Variants in RBX1 observed in about 807,000 individuals in gnomAD.
The protein encoded by RBX1 is ring-box 1, also known as E3 ubiquitin-protein ligase RBX1.
For synonymous variants in RBX1, 48 were observed against 47.9 expected (o/e 1.00, Z -0.01); for missense variants, 46 against 141.4 (o/e 0.33, Z 3.42).
chr22:40,952,268 G>A (rs368594514), intron 1 of RBX1, among the ~76,000 whole-genome samples: 5 of 152,174 alleles, frequency 3.3e-5, no homozygotes, highest in Admixed American at 3.3e-4. Flanking sequence ...GTGTCTTTTT[G>A]CATGAAATGC....
chr22:40,965,558 A>G (rs1054562218), intron 3 of RBX1, among the ~76,000 whole-genome samples: 4 of 151,222 alleles, frequency 2.6e-5, no homozygotes, highest in South Asian at 2.1e-4. Context: ...GTCCTGCTTC[A>G]GCCTTCCGAG....
In RBX1 at chr22:40,972,651, G is replaced by A. The variant is rs1219881652; in HGVS notation, c.*163G>A. ...TGTATTCTGTGTCAAATAAAGTCCA[G>A]TTGGATTCTGGAACGGATGCTCTCT... On this transcript the variant is annotated 3_prime_UTR_variant, in exon 5 of 5. Coordinates refer to ENST00000216225, the MANE Select transcript of RBX1 (RefSeq NM_014248.4). 3 of 601,292 alleles carry A rather than the reference G, an allele frequency of 5.0e-6. No homozygotes were observed. Among genetic ancestry groups the A allele is most frequent in the Non-Finnish European group, 9.0e-6 (3 of 334,846 alleles). 37.2% of individuals were successfully genotyped at this position (601,292 alleles called of 1,614,324 possible). A position where few individuals can be genotyped will look rare whatever the true frequency, so the allele number is the denominator to read the frequency against.
intron 1 of RBX1, 34 bp downstream of exon 1, chr22:40,951,510 TAG>T: frequency 6.2e-7 from 1 of 1,600,346 alleles, no homozygotes; most frequent in Non-Finnish European, 8.5e-7. Flanking sequence ...TCAGGGAAGC[TAG>T]AGAGGCGCGG....
At chr22:40,961,108 A>G (rs192391535) in intron 2 of RBX1, among the ~76,000 whole-genome samples, 5,282 of 94,154 alleles carry the variant, frequency 0.056, 147 homozygotes, top group Middle Eastern at 0.078. Context: ...TTTTTTTGAT[A>G]ACAAGGTTTT....
chr22:40,968,844 T>G (rs1354855284), intron 4 of RBX1, among the ~76,000 whole-genome samples: 1 of 150,338 alleles, frequency 6.7e-6, no homozygotes, highest in African/African-American at 2.4e-5. Flanking sequence ...TATACAGTAA[T>G]TCACCTTTTT....
intron 1 of RBX1, among the ~76,000 whole-genome samples, chr22:40,953,080 C>A (rs2058315798): frequency 6.7e-6 from 1 of 150,306 alleles, no homozygotes; most frequent in African/African-American, 2.4e-5. Context: ...AACCTCCGTC[C>A]CCCAGATTCA....
At position 40,953,566 on chromosome 22, in the gene RBX1, A is replaced by C. The variant is rs2058317216; in HGVS notation, c.90A>C (p.Val30=). The C allele has an allele frequency of 6.2e-7, 1 of 1,609,716 alleles. No homozygotes were observed. The highest frequency in any genetic ancestry group is 1.7e-5 in the Admixed American group (1 of 59,904). ...KRFEVKKWNA[V]ALWAWDIVVD... ...TTTTGTCTTTGCAGTGGAATGCAGTAGCCCTCTGGGCCTGGGATATTGTGG... is the reference window on the plus strand; with the variant it reads ...TTTTGTCTTTGCAGTGGAATGCAGTCGCCCTCTGGGCCTGGGATATTGTGG... Residue 30 remains valine (V), a synonymous_variant, in exon 2 of 5, where the codon GTA becomes GTC. Coordinates refer to ENST00000216225, the MANE Select transcript of RBX1 (RefSeq NM_014248.4).
intron 2 of RBX1, among the ~76,000 whole-genome samples, chr22:40,958,423 G>A (rs5995971): frequency 4.6e-5 from 7 of 152,186 alleles, no homozygotes; most frequent in African/African-American, 1.4e-4. Context: ...TCTAGATTTA[G>A]CAACGGTTGT....
chr22:40,961,387 AT>A (rs1238743055), intron 2 of RBX1, among the ~76,000 whole-genome samples: 8 of 151,332 alleles, frequency 5.3e-5, no homozygotes, highest in Non-Finnish European at 1.0e-4. Flanking sequence ...GCCTGACCCA[AT>A]TCTTTATTTT....
At chr22:40,953,976 C>T (rs995199732) in intron 2 of RBX1, among the ~76,000 whole-genome samples, 2 of 151,986 alleles carry the variant, frequency 1.3e-5, no homozygotes, top group South Asian at 4.1e-4. Context: ...AAACTTTGAG[C>T]TAAAATATTC....
In RBX1 at chr22:40,967,680, CTTCTT is replaced by C. The variant is rs1467625864; in HGVS notation, c.229-108_229-104del. 23 of 685,274 alleles carry C rather than the reference CTTCTT, an allele frequency of 3.4e-5. No individual in the cohort carries two copies. In the Middle Eastern group the frequency reaches 2.2e-3, roughly 65 times the overall value. The allele number at this position is 685,274 out of a possible 1,614,324, so 42.4% of individuals were successfully genotyped here. A position where few individuals can be genotyped will look rare whatever the true frequency, so the allele number is the denominator to read the frequency against. On this transcript the variant is annotated intron_variant, in intron 3 of 4. Coordinates refer to ENST00000216225, the MANE Select transcript of RBX1 (RefSeq NM_014248.4). ...TTGTTGAACTTTTGCCTCTCGTTGT[CTTCTT>C]TTCTTTTCTTGCCCACTATATGTCA...
chr22:40,955,071 G>A (rs2058321627), intron 2 of RBX1, among the ~76,000 whole-genome samples: 1 of 152,030 alleles, frequency 6.6e-6, no homozygotes, highest in Non-Finnish European at 1.5e-5. Context: ...ACAAGCATAA[G>A]CCACCATGCC....
intron 3 of RBX1, among the ~76,000 whole-genome samples, chr22:40,965,241 TGTA>T (rs967593064): frequency 5.3e-5 from 8 of 150,700 alleles, no homozygotes; most frequent in African/African-American, 2.0e-4. Flanking sequence ...AGGTGGAGCT[TGTA>T]GTGAGCCGAG....
At chr22:40,958,674 T>G (rs1260285954) in intron 2 of RBX1, among the ~76,000 whole-genome samples, 5 of 152,226 alleles carry the variant, frequency 3.3e-5, no homozygotes, top group Non-Finnish European at 7.3e-5. Flanking sequence ...CTATTACCTC[T>G]GGTAATCTTA....
chr22:40,963,642 G>GA (rs1020908810), intron 2 of RBX1, among the ~76,000 whole-genome samples: 105 of 151,758 alleles, frequency 6.9e-4, no homozygotes, highest in Middle Eastern at 3.4e-3. Flanking sequence ...ATCTCAAAAG[G>GA]AAAAAAACTC....
chr22:40,954,549 C>T (rs1274855460), intron 2 of RBX1, among the ~76,000 whole-genome samples: 8 of 152,042 alleles, frequency 5.3e-5, no homozygotes, highest in Non-Finnish European at 8.8e-5. Flanking sequence ...GTTGATCACA[C>T]CAGGAACAGT....
At chr22:40,967,705 A>G (rs2058357884) in intron 3 of RBX1, 94 bp from the exon 4 acceptor site, 14 of 894,198 alleles carry the variant, frequency 1.6e-5, no homozygotes, top group South Asian at 1.1e-4. Context: ...TGCCCACTAT[A>G]TGTCACCCAT....
chr22:40,970,069 AAAAAG>A (rs1194778341), intron 4 of RBX1, among the ~76,000 whole-genome samples: 1 of 150,966 alleles, frequency 6.6e-6, no homozygotes, highest in Non-Finnish European at 1.5e-5. Flanking sequence ...AAAAAAAAAA[AAAAAG>A]CCCAGGTGTA....
At chr22:40,953,270 G>A (rs1433446281) in intron 1 of RBX1, among the ~76,000 whole-genome samples, 5 of 152,096 alleles carry the variant, frequency 3.3e-5, no homozygotes, top group Non-Finnish European at 2.9e-5. Flanking sequence ...GACTATAGGC[G>A]TGAGCCACTG....
Sources: gnomAD v4.1 joint callset for allele counts (sites outside exome capture counted in the v4.1 genomes callset) on GRCh38, gnomAD v4.1.1 for gene constraint, MANE v1.5 for transcripts, NCBI Gene and HGNC (gene_info 2026-07-23, HGNC 2026-07-21) for gene names.